The following REC114 variants were observed in gnomAD, a reference collection of about 807,000 sequenced individuals.
The protein encoded by REC114 is meiotic recombination protein REC114.
REC114 carries 27 observed loss-of-function variants against 31.3 expected under a neutral mutation model. The ratio of observed to expected loss-of-function variants is 0.86; its 90% CI spans 0.64 to 1.19. The LOEUF (loss-of-function observed/expected upper bound fraction) is 1.19. Ranked by LOEUF, REC114 falls within the 50% of genes most tolerant of loss-of-function variation. The probability of loss-of-function intolerance (pLI) is 0.00; values close to 1 mark genes in which losing one functional copy is unlikely to be tolerated. For synonymous variants in REC114, 134 were observed against 127.7 expected (o/e 1.05, Z -0.33); for missense variants, 344 against 326.9 (o/e 1.05, Z -0.40).
intron 1 of REC114, among the ~76,000 whole-genome samples, chr15:73,461,948 T>TAA (rs1451060041): frequency 7.5e-6 from 1 of 132,620 alleles, no homozygotes; most frequent in African/African-American, 3.1e-5. Flanking sequence ...TTTTTTTTTT[T>TAA]AAAGACAGAG....
chr15:73,516,928 T>C (rs925847940), intron 2 of REC114, among the ~76,000 whole-genome samples: 2 of 152,198 alleles, frequency 1.3e-5, no homozygotes, highest in African/African-American at 4.8e-5. Context: ...TGTCCAGCCA[T>C]GTAAAGGATT....
intron 2 of REC114, among the ~76,000 whole-genome samples, chr15:73,538,973 T>C (rs1894201318): frequency 6.6e-6 from 1 of 151,810 alleles, no homozygotes; most frequent in African/African-American, 2.4e-5. Context: ...ATCTGTAAAA[T>C]GAATTCCCGG....
intron 2 of REC114, among the ~76,000 whole-genome samples, chr15:73,536,928 T>C (rs1894163964): frequency 6.6e-6 from 1 of 152,206 alleles, no homozygotes; most frequent in East Asian, 1.9e-4. Flanking sequence ...GTTACCTGAA[T>C]ATATTGTGTG....
chr15:73,513,370 C>T (rs999784122), intron 2 of REC114, among the ~76,000 whole-genome samples: 6 of 149,666 alleles, frequency 4.0e-5, no homozygotes, highest in Non-Finnish European at 7.5e-5. Flanking sequence ...AAGTTTTCAA[C>T]TTCTTTGCCT....
At chr15:73,511,284 G>A (rs1893763385) in intron 2 of REC114, among the ~76,000 whole-genome samples, 1 of 152,048 alleles carries the variant, frequency 6.6e-6, no homozygotes, top group African/African-American at 2.4e-5. Context: ...GGGATCGGTG[G>A]TGATATTCCC....
intron 4 of REC114, among the ~76,000 whole-genome samples, chr15:73,552,127 A>G (rs955529358): frequency 6.6e-6 from 1 of 152,248 alleles, no homozygotes; most frequent in African/African-American, 2.4e-5. Flanking sequence ...ATAACAGTAT[A>G]ACAAGTTTAT....
intron 2 of REC114, among the ~76,000 whole-genome samples, chr15:73,476,823 T>G (rs1056877200): frequency 6.6e-6 from 1 of 152,230 alleles, no homozygotes; most frequent in Non-Finnish European, 1.5e-5. Flanking sequence ...TCAGCTGTTA[T>G]GAATAACACT....
intron 4 of REC114, among the ~76,000 whole-genome samples, chr15:73,552,378 G>A (rs1337463419): frequency 6.6e-6 from 1 of 152,164 alleles, no homozygotes; most frequent in Admixed American, 6.5e-5. Context: ...ACTAAACTAG[G>A]TAGTAAAGAG....
At chr15:73,557,219 G>A (rs1894481934) in intron 5 of REC114, among the ~76,000 whole-genome samples, 1 of 151,664 alleles carries the variant, frequency 6.6e-6, no homozygotes, top group South Asian at 2.1e-4. Context: ...ACAGGCGTGT[G>A]CCACCACGCC....
In REC114 at chr15:73,523,613, A is replaced by G. The variant is rs944130366; in HGVS notation, c.250-16872A>G. On this transcript the variant is annotated intron_variant, in intron 2 of 5. Transcript: ENST00000331090. Reference sequence around the variant, plus strand: ...GGCCATATTTAGTTTGCTTTAACGTATATATGTTGTGAATACTTTTTCTTA... The same window carrying G: ...GGCCATATTTAGTTTGCTTTAACGTGTATATGTTGTGAATACTTTTTCTTA... 3.3e-5 allele frequency among the ~76,000 whole-genome samples: 5 copies of G among 152,316 alleles called. No homozygotes were observed. In the South Asian group the frequency reaches 1.0e-3, roughly 32 times the overall value.
At position 73,479,271 on chromosome 15, in the gene REC114, T is replaced by A. The variant is rs188177752; in HGVS notation, c.249+5350T>A. Among the ~76,000 whole-genome samples, 44 of 150,550 alleles carry A rather than the reference T, an allele frequency of 2.9e-4. No individual in the cohort carries two copies. In the East Asian group the frequency reaches 7.9e-3, roughly 27 times the overall value. ...CTAGTTTGCTAAGGGACTTGTTTTTTCCCTTTGAGCTTCTGGTATTTATCT... is the reference window on the plus strand; with the variant it reads ...CTAGTTTGCTAAGGGACTTGTTTTTACCCTTTGAGCTTCTGGTATTTATCT... On this transcript the variant is annotated intron_variant, in intron 2 of 5. Coordinates refer to ENST00000331090, the MANE Select transcript of REC114 (RefSeq NM_001042367.2).
At chr15:73,536,193 A>G (rs1894154801) in intron 2 of REC114, among the ~76,000 whole-genome samples, 1 of 152,086 alleles carries the variant, frequency 6.6e-6, no homozygotes, top group Non-Finnish European at 1.5e-5. Context: ...AATTAAACTA[A>G]AGAGTTCTCC....
At chr15:73,508,351 A>G (rs1432763602) in intron 2 of REC114, among the ~76,000 whole-genome samples, 1 of 151,732 alleles carries the variant, frequency 6.6e-6, no homozygotes, top group Non-Finnish European at 1.5e-5. Context: ...GACATAGCAC[A>G]CTGTTTTTCT....
intron 1 of REC114, among the ~76,000 whole-genome samples, chr15:73,446,038 G>A (rs1424341900): frequency 6.6e-6 from 1 of 152,168 alleles, no homozygotes; most frequent in African/African-American, 2.4e-5. Flanking sequence ...GCAGTAAAGG[G>A]AAGTGTGCCT....
At chr15:73,538,149 T>C (rs1894184484) in intron 2 of REC114, among the ~76,000 whole-genome samples, 1 of 152,208 alleles carries the variant, frequency 6.6e-6, no homozygotes, top group Non-Finnish European at 1.5e-5. Flanking sequence ...GTGAACAATA[T>C]TTTCCTATTA....
intron 2 of REC114, among the ~76,000 whole-genome samples, chr15:73,536,816 T>C (rs1894162427): frequency 6.6e-6 from 1 of 152,232 alleles, no homozygotes; most frequent in South Asian, 2.1e-4. Context: ...TGGTCATCAC[T>C]GCTCCCAAGA....
intron 2 of REC114, among the ~76,000 whole-genome samples, chr15:73,528,261 A>T (rs567745996): frequency 1.3e-5 from 2 of 152,346 alleles, no homozygotes; most frequent in South Asian, 2.1e-4. Flanking sequence ...GAAAAAATTT[A>T]AAAATTACCA....
At chr15:73,454,704 A>C (rs1892893935) in intron 1 of REC114, among the ~76,000 whole-genome samples, 1 of 152,216 alleles carries the variant, frequency 6.6e-6, no homozygotes, top group African/African-American at 2.4e-5. Flanking sequence ...TGGATCTTAT[A>C]AAAAGCTGGG....
chr15:73,515,155 C>T (rs150678178), intron 2 of REC114, among the ~76,000 whole-genome samples: 1 of 152,172 alleles, frequency 6.6e-6, no homozygotes, highest in African/African-American at 2.4e-5. Flanking sequence ...TAGTCTCAAA[C>T]TCCTGCATCA....
Sources: allele counts gnomAD v4.1 joint callset (sites outside exome capture counted in the v4.1 genomes callset), GRCh38; gene constraint gnomAD v4.1.1; transcripts MANE v1.5; gene names NCBI Gene and HGNC (gene_info 2026-07-23, HGNC 2026-07-21).